HIVEP3: variants seen among roughly 807,000 people sequenced by gnomAD.
The protein encoded by HIVEP3 is transcription factor HIVEP3.
In HIVEP3, 49 loss-of-function variants were observed where a neutral mutation model predicts 152.8. That is an observed-to-expected ratio of 0.32 (90% CI 0.26 to 0.41). The LOEUF (loss-of-function observed/expected upper bound fraction) is 0.41. Among genes scored for constraint, HIVEP3 ranks in the 10% least tolerant of loss-of-function variants. HIVEP3 has a pLI of 1.00. For missense variants in HIVEP3, 2,790 were observed against 3,103.3 expected, an observed-to-expected ratio of 0.90 and a Z score of 2.40; for synonymous variants, 1,269 against 1,289.0, an observed-to-expected ratio of 0.98 and a Z score of 0.33.
At chr1:41,916,357 A>G (rs1570803094) in intron 1 of HIVEP3, among the ~76,000 whole-genome samples, 2 of 152,334 alleles carry the variant, frequency 1.3e-5, no homozygotes, top group African/African-American at 2.4e-5. Flanking sequence ...GGGCAAAAAA[A>G]CAATCTTAGC....
chr1:41,521,148 G>A (rs144656231), intron 6 of HIVEP3, among the ~76,000 whole-genome samples: 1 of 152,290 alleles, frequency 6.6e-6, no homozygotes, highest in East Asian at 1.9e-4. Context: ...CAACCGTGAA[G>A]TAATACCTAC....
At chr1:41,661,395 G>C (rs553832338) in intron 2 of HIVEP3, among the ~76,000 whole-genome samples, 4 of 152,332 alleles carry the variant, frequency 2.6e-5, no homozygotes, top group East Asian at 1.9e-4. Context: ...CTCTGATTAA[G>C]GGGGGTTGGG....
chr1:41,714,669 G>T (rs1348062852), intron 1 of HIVEP3, among the ~76,000 whole-genome samples: 1 of 152,216 alleles, frequency 6.6e-6, no homozygotes, highest in Non-Finnish European at 1.5e-5. Context: ...CATGGGGAGA[G>T]ATGAGTCTGA....
intron 2 of HIVEP3, among the ~76,000 whole-genome samples, chr1:41,677,394 T>TAGAAAGGGTGTTAAAGAC (rs1645973540): frequency 6.6e-6 from 1 of 152,252 alleles, no homozygotes; most frequent in Non-Finnish European, 1.5e-5. Context: ...AGACCTGAGC[T>TAGAAAGGGTGTTAAAGAC]CTAATCTTAG....
At chr1:41,538,077 A>G (rs1643441912) in intron 5 of HIVEP3, among the ~76,000 whole-genome samples, 1 of 152,216 alleles carries the variant, frequency 6.6e-6, no homozygotes, top group Non-Finnish European at 1.5e-5. Flanking sequence ...AATACAGACA[A>G]TGAGCAAAGT....
At position 41,581,234 on chromosome 1, in the gene HIVEP3, G is replaced by T. The variant is rs1203974890; in HGVS notation, c.3564C>A (p.Ala1188=). 1 of 1,582,504 alleles carries T rather than the reference G, an allele frequency of 6.3e-7. No individual in the cohort carries two copies. The highest frequency in any genetic ancestry group is 1.2e-5 in the South Asian group (1 of 84,746). The change falls in exon 4 of 9, where the codon GCC becomes GCA. Residue 1188 remains alanine, a synonymous_variant. Coordinates refer to ENST00000372583, the MANE Select transcript of HIVEP3 (RefSeq NM_024503.5). This position sits in a 1 kb window ranked among gnomAD's most constrained non-coding sequence, Gnocchi z 4.5. ...MPPLPPSLFQ[A]PPLPLQPTVL... is the part of the protein sequence containing the mutation. ...CAGTAGGCTGGAGAGGAAGCGGTGG[G>T]GCTTGAAATAAGGAGGGAGGAAGTG...
chr1:41,760,102 G>A (rs1647569213), intron 1 of HIVEP3, among the ~76,000 whole-genome samples: 1 of 152,162 alleles, frequency 6.6e-6, no homozygotes, highest in African/African-American at 2.4e-5. Flanking sequence ...GAGCCCAAGA[G>A]CTGGAGGCTG....
At chr1:41,728,000 C>T (rs1646782951) in intron 1 of HIVEP3, among the ~76,000 whole-genome samples, 1 of 152,230 alleles carries the variant, frequency 6.6e-6, no homozygotes, top group African/African-American at 2.4e-5. Context: ...TTCAGGATAC[C>T]TGGGGAACAG....
At chr1:41,928,074 A>AAG (rs1200881359) in intron 1 of HIVEP3, among the ~76,000 whole-genome samples, 2 of 151,810 alleles carry the variant, frequency 1.3e-5, no homozygotes, top group Non-Finnish European at 2.9e-5. Context: ...AAAAAAAAAA[A>AAG]AAAAAAGGCT....
intron 1 of HIVEP3, among the ~76,000 whole-genome samples, chr1:41,914,191 C>A (rs1644837664): frequency 6.6e-6 from 1 of 152,194 alleles, no homozygotes; most frequent in Non-Finnish European, 1.5e-5. Context: ...AACTGTGAAA[C>A]CTCCCAACAG....
intron 2 of HIVEP3, among the ~76,000 whole-genome samples, chr1:41,674,641 G>A (rs1001787087): frequency 2.6e-5 from 4 of 152,184 alleles, no homozygotes; most frequent in Admixed American, 2.6e-4. Context: ...ATTCACAGGT[G>A]TCCTTTGTCC....
chr1:41,914,840 C>A (rs1054775144), intron 1 of HIVEP3, among the ~76,000 whole-genome samples: 1 of 152,220 alleles, frequency 6.6e-6, no homozygotes, highest in Non-Finnish European at 1.5e-5. Flanking sequence ...TCTCTTCCAA[C>A]TCCAGAATTA....
intron 3 of HIVEP3, among the ~76,000 whole-genome samples, chr1:41,594,791 C>G (rs1222297238): frequency 6.6e-6 from 1 of 152,060 alleles, no homozygotes; most frequent in Non-Finnish European, 1.5e-5. Flanking sequence ...TCCAATATTA[C>G]TTTTTAGAAT....
intron 1 of HIVEP3, among the ~76,000 whole-genome samples, chr1:41,824,992 C>A (rs1642753983): frequency 6.6e-6 from 1 of 151,914 alleles, no homozygotes; most frequent in South Asian, 2.1e-4. Context: ...CCTGCCTTGG[C>A]CTCCCGAGTA....
chr1:42,025,456 GT>G (rs1172980377), intron 1 of HIVEP3, among the ~76,000 whole-genome samples: 8 of 152,152 alleles, frequency 5.3e-5, no homozygotes, highest in African/African-American at 1.9e-4. Context: ...ATAAGCATAG[GT>G]TTTTATTTGT....
intron 1 of HIVEP3, among the ~76,000 whole-genome samples, chr1:41,731,785 G>T (rs777114266): frequency 1.4e-4 from 21 of 152,226 alleles, no homozygotes; most frequent in African/African-American, 2.4e-4. Context: ...CTCCTTGACT[G>T]CAACCTCATG....
Position 41,844,663 on chromosome 1 carries a change from T to C in HIVEP3, c.-801+73750A>G, listed in dbSNP as rs187992760. Among the ~76,000 whole-genome samples, 58 of 152,306 alleles carry C rather than the reference T, an allele frequency of 3.8e-4. 1 individual carries two copies. In the East Asian group the frequency reaches 0.011, roughly 28 times the overall value. ...AAAGGCTTGAAAACAAGTGCCAAGG[T>C]TGGTGTAAAATCTAGGACCTTCAAG... On this transcript the variant is annotated intron_variant, in intron 1 of 8. Transcript: ENST00000372583.
At chr1:41,598,806 G>GTTAC (rs1553234522) in intron 3 of HIVEP3, among the ~76,000 whole-genome samples, 1 of 147,016 alleles carries the variant, frequency 6.8e-6, no homozygotes, top group Admixed American at 6.8e-5. Flanking sequence ...GTCACATGAT[G>GTTAC]TTATTTATTT....
At chr1:41,916,024 T>TG (rs1221049976) in intron 1 of HIVEP3, among the ~76,000 whole-genome samples, 1 of 151,984 alleles carries the variant, frequency 6.6e-6, no homozygotes, top group Non-Finnish European at 1.5e-5. Flanking sequence ...GAGTAGGGAG[T>TG]GAGAGACAAG....
Sources: gnomAD v4.1 joint callset for allele counts (sites outside exome capture counted in the v4.1 genomes callset) on GRCh38, gnomAD v4.1.1 for gene constraint, Gnocchi (gnomAD v3.1) non-coding constraint, MANE v1.5 for transcripts, NCBI Gene and HGNC (gene_info 2026-07-23, HGNC 2026-07-21) for gene names.